SLC24A4: variants seen among roughly 807,000 people sequenced by gnomAD.
SLC24A4 encodes solute carrier family 24 member 4.
SLC24A4 carries 53 observed loss-of-function variants against 79.0 expected under a neutral mutation model. That is an observed-to-expected ratio of 0.67 (90% confidence interval 0.54 to 0.84). SLC24A4 has a LOEUF of 0.84. Ranked by LOEUF, SLC24A4 falls within the 40% of genes least tolerant of loss-of-function variation. The probability of loss-of-function intolerance (pLI) is 0.00; values close to 1 mark genes in which losing one functional copy is unlikely to be tolerated. For missense variants in SLC24A4, 731 were observed against 822.0 expected (o/e 0.89, Z 1.35); for synonymous variants, 323 against 323.8 (o/e 1.00, Z 0.03).
chr14:92,457,479 G>T (rs1372915384), intron 12 of SLC24A4: 3 of 152,562 alleles, frequency 2.0e-5, no homozygotes, highest in Non-Finnish European at 2.9e-5. Flanking sequence ...TGTGTCTCTT[G>T]CCCTGCTTAA....
chr14:92,481,377 T>C (rs1370230251), intron 12 of SLC24A4, among the ~76,000 whole-genome samples: 1 of 152,276 alleles, frequency 6.6e-6, no homozygotes, highest in Non-Finnish European at 1.5e-5. Flanking sequence ...ATTTAATAAT[T>C]GCCTCTAATT....
At chr14:92,444,688 C>A (rs960198668) in intron 7 of SLC24A4, among the ~76,000 whole-genome samples, 2 of 152,120 alleles carry the variant, frequency 1.3e-5, no homozygotes, top group Non-Finnish European at 2.9e-5. Context: ...AACCTTGTCT[C>A]TACTAAAAGT....
In SLC24A4 at chr14:92,365,550, C is replaced by T. The variant is rs576282284; in HGVS notation, c.241+39572C>T. 5.3e-5 allele frequency among the ~76,000 whole-genome samples: 8 copies of T among 152,308 alleles called. No homozygotes were observed. The South Asian group carries it at 1.2e-3, about 24-fold the overall frequency. ...AGGAGCCCCGGGTGCTGGTCTGTGCCGCCTTCCCTCAGACCCTTCCCCTCT... is the reference window on the plus strand; with the variant it reads ...AGGAGCCCCGGGTGCTGGTCTGTGCTGCCTTCCCTCAGACCCTTCCCCTCT... On this transcript the variant is annotated intron_variant, in intron 2 of 16. Transcript: ENST00000532405.
chr14:92,420,017 CAG>C (rs1046624110), intron 2 of SLC24A4, among the ~76,000 whole-genome samples: 2 of 152,186 alleles, frequency 1.3e-5, no homozygotes, highest in African/African-American at 2.4e-5. Context: ...CAGATAAAGA[CAG>C]GGGCAGACAT....
At chr14:92,469,651 A>G (rs1426533713) in intron 12 of SLC24A4, among the ~76,000 whole-genome samples, 1 of 152,244 alleles carries the variant, frequency 6.6e-6, no homozygotes, top group Non-Finnish European at 1.5e-5. Flanking sequence ...ATTGCCAAAA[A>G]GTAGAACAAT....
chr14:92,474,400 C>T (rs1175142219), intron 12 of SLC24A4, among the ~76,000 whole-genome samples: 1 of 152,152 alleles, frequency 6.6e-6, no homozygotes, highest in Non-Finnish European at 1.5e-5. Flanking sequence ...TCCAGTCTAG[C>T]TTCAGAACTC....
At chr14:92,374,311 C>T (rs953232302) in intron 2 of SLC24A4, among the ~76,000 whole-genome samples, 2 of 152,234 alleles carry the variant, frequency 1.3e-5, no homozygotes, top group African/African-American at 4.8e-5. Context: ...AAGACCAAGG[C>T]TCAGACCAAG....
At chr14:92,426,010 C>T (rs1013563652) in intron 2 of SLC24A4, among the ~76,000 whole-genome samples, 1 of 151,960 alleles carries the variant, frequency 6.6e-6, no homozygotes, top group African/African-American at 2.4e-5. Flanking sequence ...GTCAATCAAT[C>T]AATCAATATA....
rs189470425 is a variant in SLC24A4, at chr14:92,456,390, T to A, written c.1051-14T>A. ...CACATGCCTTGGTGTCCATGTTGCCTCCTGTCCACACAGCGGCAGAGACTG... is the reference window on the plus strand; with the variant it reads ...CACATGCCTTGGTGTCCATGTTGCCACCTGTCCACACAGCGGCAGAGACTG... On this transcript the variant is annotated splice_polypyrimidine_tract_variant and intron_variant, in intron 11 of 16. Transcript: ENST00000532405. 1.5e-4 allele frequency: 248 copies of A among 1,614,042 alleles called. 2 individuals are homozygous for A. In the East Asian group the frequency reaches 5.5e-3, roughly 36 times the overall value.
chr14:92,358,365 TAGAG>T (rs1595159544), intron 2 of SLC24A4, among the ~76,000 whole-genome samples: 1 of 152,180 alleles, frequency 6.6e-6, no homozygotes, highest in African/African-American at 2.4e-5. Flanking sequence ...GTTTGGCTGT[TAGAG>T]AGCACAAGTG....
rs532355788 is a variant in SLC24A4 at position 92,493,768 on chromosome 14, C to T, written c.*140C>T. Reference sequence around the variant, plus strand: ...TTCACACACTGGAAGGAAGAGCCATCGTGGTCTTTGTCTGGCCACAGGCCA... The same window carrying T: ...TTCACACACTGGAAGGAAGAGCCATTGTGGTCTTTGTCTGGCCACAGGCCA... On this transcript the variant is annotated 3_prime_UTR_variant, in exon 17 of 17. Coordinates refer to ENST00000532405, the MANE Select transcript of SLC24A4 (RefSeq NM_153646.4). The T allele has an allele frequency of 6.6e-6, 7 of 1,055,766 alleles. No individual in the cohort carries two copies. The highest frequency in any genetic ancestry group is 2.7e-5 in the Admixed American group (1 of 36,850). The allele number at this position is 1,055,766 out of a possible 1,614,324, so 65.4% of individuals were successfully genotyped here. A position where few individuals can be genotyped will look rare whatever the true frequency, so the allele number is the denominator to read the frequency against.
At position 92,429,456 on chromosome 14, in the gene SLC24A4, C is replaced by T. The variant is rs980026277; in HGVS notation, c.242-4456C>T. Among the ~76,000 whole-genome samples, 6 of 152,332 alleles carry T rather than the reference C, an allele frequency of 3.9e-5. No individual in the cohort carries two copies. In the South Asian group the frequency reaches 1.0e-3, roughly 26 times the overall value. On this transcript the variant is annotated intron_variant, in intron 2 of 16. Transcript: ENST00000532405. ...TTCATATACAAATAGGAAGCAGTCA[C>T]TTGTATTAAATGTTTCAAGATCAAG... is the stretch of plus-strand genomic sequence containing the variant.
chr14:92,463,046 A>T (rs761268757), intron 12 of SLC24A4, among the ~76,000 whole-genome samples: 11 of 152,108 alleles, frequency 7.2e-5, no homozygotes, highest in Non-Finnish European at 1.5e-4. Flanking sequence ...ACTGTGTTGA[A>T]TTGGGTTGAA....
chr14:92,383,125 C>T (rs748097836), intron 2 of SLC24A4, among the ~76,000 whole-genome samples: 1 of 152,200 alleles, frequency 6.6e-6, no homozygotes, highest in Non-Finnish European at 1.5e-5. Flanking sequence ...GCTTCACATT[C>T]GTCTTCATAA....
intron 2 of SLC24A4, among the ~76,000 whole-genome samples, chr14:92,404,925 G>A (rs1424764706): frequency 6.6e-6 from 1 of 151,720 alleles, no homozygotes; most frequent in Non-Finnish European, 1.5e-5. Flanking sequence ...CCTACTAGGT[G>A]AAAATAAAAA....
chr14:92,464,854 A>C (rs1452413568), intron 12 of SLC24A4, among the ~76,000 whole-genome samples: 1 of 152,234 alleles, frequency 6.6e-6, no homozygotes, highest in East Asian at 1.9e-4. Context: ...CACATGGACC[A>C]GACCCAAGGG....
intron 2 of SLC24A4, among the ~76,000 whole-genome samples, chr14:92,380,910 G>A (rs1245795039): frequency 6.6e-6 from 1 of 152,226 alleles, no homozygotes; most frequent in Non-Finnish European, 1.5e-5. Context: ...GTGGCATCTT[G>A]TGTAGAAGGG....
intron 3 of SLC24A4, among the ~76,000 whole-genome samples, chr14:92,434,601 G>T (rs1349219191): frequency 2.6e-5 from 4 of 152,116 alleles, no homozygotes; most frequent in Non-Finnish European, 5.9e-5. Flanking sequence ...AGTCAGTCAC[G>T]TGGGCATGAG....
chr14:92,327,788 C>T (rs1020999891), intron 2 of SLC24A4, among the ~76,000 whole-genome samples: 8 of 152,160 alleles, frequency 5.3e-5, no homozygotes, highest in Non-Finnish European at 1.0e-4. Context: ...ACATATAAAG[C>T]GTCTGTTCTA....
Sources: allele counts gnomAD v4.1 joint callset (sites outside exome capture counted in the v4.1 genomes callset), GRCh38; gene constraint gnomAD v4.1.1; transcripts MANE v1.5; gene names NCBI Gene and HGNC (gene_info 2026-07-23, HGNC 2026-07-21).